Variants in EML4 observed in about 807,000 individuals in gnomAD.
EML4 encodes the protein echinoderm microtubule-associated protein-like 4.
Under a neutral mutation model 129.0 loss-of-function variants are expected in EML4, and 72 were observed. The observed-to-expected ratio is 0.56, with a 90% CI of 0.46 to 0.68. The LOEUF (loss-of-function observed/expected upper bound fraction) is 0.68. EML4 is among the 30% of genes least tolerant of loss of function. EML4 has a pLI of 0.00. For synonymous variants in EML4, 532 were observed against 405.0 expected, an observed-to-expected ratio of 1.31 and a Z score of -3.77; for missense variants, 1,363 against 1,190.6, an observed-to-expected ratio of 1.14 and a Z score of -2.13.
chr2:42,244,123 G>A (rs1247641827), intron 1 of EML4, among the ~76,000 whole-genome samples: 7 of 138,016 alleles, frequency 5.1e-5, no homozygotes, highest in Non-Finnish European at 7.7e-5. Context: ...TTTTTGAGAC[G>A]GGGTCTTGCT....
chr2:42,182,852 G>T (rs550726293), intron 1 of EML4, among the ~76,000 whole-genome samples: 13 of 152,228 alleles, frequency 8.5e-5, no homozygotes, highest in African/African-American at 3.1e-4. Context: ...TAGCTTGTAG[G>T]TTGCCATCTT....
intron 1 of EML4, among the ~76,000 whole-genome samples, chr2:42,221,471 G>A (rs1052563467): frequency 2.9e-5 from 4 of 139,890 alleles, no homozygotes; most frequent in Non-Finnish European, 4.6e-5. Context: ...GCGCAGTAGT[G>A]CTATCATGGC....
intron 1 of EML4, among the ~76,000 whole-genome samples, chr2:42,191,457 C>A (rs1671575679): frequency 6.6e-6 from 1 of 151,972 alleles, no homozygotes; most frequent in South Asian, 2.1e-4. Context: ...AAATTTCATC[C>A]CCCTGTTAAT....
chr2:42,229,770 C>T (rs949248490), intron 1 of EML4, among the ~76,000 whole-genome samples: 4 of 151,852 alleles, frequency 2.6e-5, no homozygotes, highest in Admixed American at 2.0e-4. Flanking sequence ...CCCACTAATG[C>T]GAGAACATCT....
At chr2:42,283,623 C>A (rs1667133691) in intron 8 of EML4, among the ~76,000 whole-genome samples, 1 of 152,008 alleles carries the variant, frequency 6.6e-6, no homozygotes, top group African/African-American at 2.4e-5. Flanking sequence ...TATGCTGGCA[C>A]CTGTATCTTT....
chr2:42,295,616 A>T (rs10490555), intron 13 of EML4, 100 bp downstream of exon 13: 36 of 992,824 alleles, frequency 3.6e-5, no homozygotes, highest in Non-Finnish European at 4.6e-5. Flanking sequence ...CAGTGTAACA[A>T]TATGAGCAAG....
rs150297133 is a variant in EML4 at position 42,192,845 on chromosome 2, A to G, written c.25+23209A>G. ...TGATTTTCACTTTTCTGTGGTCCTT[A>G]TCTAGAGACCCTGAGATTCTTGGTG... On this transcript the variant is annotated intron_variant, in intron 1 of 22. Transcript: ENST00000318522. Among the ~76,000 whole-genome samples the G allele has an allele frequency of 1.5e-4, 23 of 152,262 alleles. 1 individual carries two copies. The East Asian group carries it at 2.7e-3, about 18-fold the overall frequency.
At chr2:42,170,269 C>G (rs921675310) in intron 1 of EML4, 4 of 152,292 alleles carry the variant, frequency 2.6e-5, no homozygotes, top group Non-Finnish European at 5.9e-5. Context: ...CTAGAAGCAT[C>G]GGAGCATCAT....
chr2:42,288,290 T>C lies in EML4; in HGVS notation c.1186T>C (p.Trp396Arg). Residue 396 changes from tryptophan to arginine, a missense_variant, in exon 11 of 23, where the codon TGG (tryptophan) becomes CGG (arginine). Trp to Arg is a moderately radical substitution (Grantham distance 101). Coordinates refer to ENST00000318522, the MANE Select transcript of EML4 (RefSeq NM_019063.5). ...TGAGCATATGCTTACTGTATGGGAC[T>C]GGCAGAAGAAAGCAAAAGGAGCAGA... ...SNEHMLTVWD[W>R]QKKAKGAEIK... The C allele has an allele frequency of 6.3e-7, 1 of 1,576,456 alleles. No individual in the cohort carries two copies. The highest frequency in any genetic ancestry group is 8.7e-7 in the Non-Finnish European group (1 of 1,150,296).
intron 1 of EML4, among the ~76,000 whole-genome samples, chr2:42,232,099 T>C (rs1324267311): frequency 1.3e-5 from 2 of 152,170 alleles, no homozygotes; most frequent in Non-Finnish European, 2.9e-5. Flanking sequence ...GATTTGACTG[T>C]AACAGAAAAG....
intron 17 of EML4, 144 bp downstream of exon 17, chr2:42,304,695 T>C (rs1668494205): frequency 4.5e-6 from 3 of 666,514 alleles, no homozygotes; most frequent in Admixed American, 2.6e-5. Flanking sequence ...TGTATATTCA[T>C]AGAATTCAAT....
intron 1 of EML4, among the ~76,000 whole-genome samples, chr2:42,231,622 C>T (rs1412284202): frequency 1.3e-5 from 2 of 152,140 alleles, no homozygotes; most frequent in South Asian, 4.1e-4. Context: ...TGACCATATT[C>T]CATCAATTCT....
chr2:42,200,078 G>A (rs1197415765), intron 1 of EML4, among the ~76,000 whole-genome samples: 4 of 151,572 alleles, frequency 2.6e-5, no homozygotes, highest in African/African-American at 9.7e-5. Context: ...GGGAGGCCAA[G>A]GCGGGCAGAT....
intron 1 of EML4, among the ~76,000 whole-genome samples, chr2:42,242,189 C>G (rs1220781438): frequency 1.3e-5 from 2 of 151,990 alleles, no homozygotes; most frequent in African/African-American, 4.8e-5. Context: ...CAGCTGCCTT[C>G]CCAGAATAAT....
chr2:42,270,019 C>G (rs1666279290), intron 6 of EML4, among the ~76,000 whole-genome samples: 1 of 152,120 alleles, frequency 6.6e-6, no homozygotes, highest in South Asian at 2.1e-4. Flanking sequence ...TTGGGAGAAG[C>G]TGAAAATTCC....
At chr2:42,206,798 A>G (rs1056493501) in intron 1 of EML4, among the ~76,000 whole-genome samples, 1 of 152,196 alleles carries the variant, frequency 6.6e-6, no homozygotes, top group Admixed American at 6.5e-5. Context: ...CATCACAGTG[A>G]ATTACAATAA....
At chr2:42,249,786 G>A (rs1322938113) in intron 2 of EML4, among the ~76,000 whole-genome samples, 1 of 152,038 alleles carries the variant, frequency 6.6e-6, no homozygotes, top group Non-Finnish European at 1.5e-5. Context: ...CTTGACTGAG[G>A]TAGAAAATTT....
Position 42,265,067 on chromosome 2 carries a change from A to G in EML4, c.667+336A>G, listed in dbSNP as rs910748616. ...TCTTCCTTAAAAAGGAAATACAGTG[A>G]TTTGAGCTAGATGAATCCAGCTACA... On this transcript the variant is annotated intron_variant, in intron 6 of 22. Coordinates refer to ENST00000318522, the MANE Select transcript of EML4 (RefSeq NM_019063.5). The G allele has an allele frequency of 2.1e-5, 21 of 988,570 alleles. No homozygotes were observed. The African/African-American group carries it at 2.3e-4, about 11-fold the overall frequency. The allele number at this position is 988,570 out of a possible 1,614,324, so 61.2% of individuals were successfully genotyped here.
At chr2:42,219,775 A>G (rs1055810394) in intron 1 of EML4, among the ~76,000 whole-genome samples, 1 of 150,978 alleles carries the variant, frequency 6.6e-6, no homozygotes, top group East Asian at 1.9e-4. Flanking sequence ...AAAAAAAATT[A>G]TTAGCCGGGC....
Sources: gnomAD v4.1 joint callset for allele counts (sites outside exome capture counted in the v4.1 genomes callset) on GRCh38, gnomAD v4.1.1 for gene constraint, MANE v1.5 for transcripts, NCBI Gene and HGNC (gene_info 2026-07-23, HGNC 2026-07-21) for gene names.